PAXBP1: variants seen among roughly 807,000 people sequenced by gnomAD.
The protein encoded by PAXBP1 is PAX3 and PAX7 binding protein 1.
Under a neutral mutation model 119.9 loss-of-function variants are expected in PAXBP1, and 44 were observed. The ratio of observed to expected loss-of-function variants is 0.37; its 90% CI spans 0.29 to 0.47. The LOEUF (loss-of-function observed/expected upper bound fraction) is 0.47, where lower values mean the gene tolerates loss of function less well. PAXBP1 is among the 20% of genes least tolerant of loss of function. The pLI is 0.99. For synonymous variants in PAXBP1, 393 were observed against 406.6 expected (o/e 0.97, Z 0.40); for missense variants, 898 against 1,134.1 (o/e 0.79, Z 2.99).
intron 1 of PAXBP1, 39 bp downstream of exon 1, chr21:32,771,287 G>A: frequency 6.6e-7 from 1 of 1,525,174 alleles, no homozygotes; most frequent in Non-Finnish European, 8.8e-7. Flanking sequence ...CTGCGTCGGG[G>A]ATGCGGCCGT....
rs1403169541 is a variant in PAXBP1 at position 32,759,277 on chromosome 21, A to G, written c.1194-8T>C. On this transcript the variant is annotated splice_region_variant and splice_polypyrimidine_tract_variant and intron_variant, in intron 6 of 17. Coordinates refer to ENST00000331923, the MANE Select transcript of PAXBP1 (RefSeq NM_016631.4). The stretch of plus-strand genomic sequence containing the variant: ...TCTTTCATGGAGTCCAACCTTAGGA[A>G]CACAAAAGGATAAATATAACACATT... The G allele has an allele frequency of 6.2e-7, 1 of 1,612,344 alleles. No homozygotes were observed.
At chr21:32,754,461 G>A (rs187695719) in intron 8 of PAXBP1, among the ~76,000 whole-genome samples, 8 of 152,164 alleles carry the variant, frequency 5.3e-5, no homozygotes, top group Non-Finnish European at 1.0e-4. Context: ...TCCTATTAGC[G>A]CACTCAAGAA....
chr21:32,734,710 T>C lies in PAXBP1; in HGVS notation c.*240A>G. 1 of 513,568 alleles carries C rather than the reference T, an allele frequency of 1.9e-6. No homozygotes were observed. Among genetic ancestry groups the C allele is most frequent in the African/African-American group, 1.9e-5 (1 of 51,996 alleles). The allele number at this position is 513,568 out of a possible 1,614,324, so 31.8% of individuals were successfully genotyped here. On this transcript the variant is annotated 3_prime_UTR_variant, in exon 18 of 18. Transcript: ENST00000331923. ...CTGAGAGGGTTAATTTAAATGACCA[T>C]ACAAAATACTTCAGTAAACAAAGTA... is the stretch of plus-strand genomic sequence containing the variant.
Position 32,751,009 on chromosome 21 carries a change from T to A in PAXBP1, c.1631A>T (p.Glu544Val). The change falls in exon 10 of 18, where the codon GAA becomes GTA. Residue 544 changes from glutamate to valine, a missense_variant. By Grantham distance (121) the Glu-to-Val change is moderately radical. Around this residue, in one of 2 missense-constraint regions of PAXBP1, gnomAD observed 599 missense variants for 852.7 expected, o/e 0.70. Coordinates refer to ENST00000331923, the MANE Select transcript of PAXBP1 (RefSeq NM_016631.4). ...GTGATCTGCCATCTTACCGGTTTGT[T>A]CTCTGGCTTGTCTACGACGAGTCCT... Reference protein sequence around the residue: ...ARRTRRRQAREQTGKMADHLE... With the variant: ...ARRTRRRQARVQTGKMADHLE... 1 of 1,614,154 alleles carries A rather than the reference T, an allele frequency of 6.2e-7. No homozygotes were observed. The highest frequency in any genetic ancestry group is 8.5e-7 in the Non-Finnish European group (1 of 1,180,018).
intron 14 of PAXBP1, 43 bp from the exon 15 acceptor site, chr21:32,743,357 T>G (rs2043818609): frequency 7.7e-7 from 1 of 1,290,880 alleles, no homozygotes; most frequent in African/African-American, 1.5e-5. Context: ...AGATATTTTA[T>G]ATGTAGGTGC....
intron 17 of PAXBP1, among the ~76,000 whole-genome samples, chr21:32,736,040 T>A (rs1034747155): frequency 3.3e-5 from 5 of 152,222 alleles, no homozygotes; most frequent in Admixed American, 6.5e-5. Context: ...CTGTTAAATA[T>A]ATGTAAATCA....
rs1169931129 is a variant in PAXBP1 at position 32,744,843 on chromosome 21, T to C, written c.2139A>G (p.Lys713=). 1.9e-6 allele frequency: 3 copies of C among 1,607,314 alleles called. No individual in the cohort carries two copies. The highest frequency in any genetic ancestry group is 1.1e-5 in the South Asian group (1 of 89,806). Residue 713 remains lysine, a synonymous_variant, in exon 13 of 18, where the codon AAA becomes AAG. Transcript: ENST00000331923. The part of the protein sequence containing the change: ...QTSRMVGITL[K]LINGYPSVVN... ...CTACTGAAGGATATCCATTGATTAA[T>C]TTTAGTGTAATTCCCACCATTCTTG...
chr21:32,763,080 T>C (rs1032094573), intron 3 of PAXBP1, among the ~76,000 whole-genome samples: 1 of 152,132 alleles, frequency 6.6e-6, no homozygotes, highest in Non-Finnish European at 1.5e-5. Flanking sequence ...ATTTTGTACC[T>C]ATTTCTCATA....
At chr21:32,751,243 TA>T in intron 8 of PAXBP1, 25 bp from the exon 9 acceptor site, 4 of 1,605,216 alleles carry the variant, frequency 2.5e-6, no homozygotes, top group Non-Finnish European at 3.4e-6. Context: ...CAGTTAAAAT[TA>T]AAAGCCATCT....
rs2044205924 is a variant in PAXBP1 at position 32,764,463 on chromosome 21, G to A, written c.534C>T (p.Ile178=). 6.2e-7 allele frequency: 1 copy of A among 1,613,600 alleles called. No individual in the cohort carries two copies. Among genetic ancestry groups the A allele is most frequent in the Admixed American group, 1.7e-5 (1 of 59,992 alleles). The change falls in exon 3 of 18, where the codon ATC becomes ATT. Residue 178 remains isoleucine (I), a synonymous_variant. Coordinates refer to ENST00000331923, the MANE Select transcript of PAXBP1 (RefSeq NM_016631.4). ...VKDTNQEDGV[I]ISEHGEDEMD... ...TTTCATCTTCACCATGTTCACTGAT[G>A]ATAACTCCATCTTCTTGATTTGTAT... is the stretch of plus-strand genomic sequence containing the variant.
intron 7 of PAXBP1, chr21:32,756,154 G>T: frequency 2.8e-6 from 1 of 355,230 alleles, no homozygotes; most frequent in Non-Finnish European, 5.4e-6. Flanking sequence ...AAAAGAACAT[G>T]AGAGCTAACT....
intron 5 of PAXBP1, among the ~76,000 whole-genome samples, 165 bp downstream of exon 5, chr21:32,760,892 TGC>T (rs1446891916): frequency 2.2e-5 from 3 of 134,496 alleles, no homozygotes; most frequent in African/African-American, 9.2e-5. Flanking sequence ...TGTCTCTGTG[TGC>T]GTGCGTGCGT....
At position 32,747,790 on chromosome 21, in the gene PAXBP1, CT is replaced by C. The variant is rs907840713; in HGVS notation, c.1923+708del. Reference sequence around the variant, plus strand: ...GGTCCTCTTGATTCCACCTCCTTATCTTTTTTTTTTTTTCTTGTGGCAGGTC... The same window carrying C: ...GGTCCTCTTGATTCCACCTCCTTATCTTTTTTTTTTTTCTTGTGGCAGGTC... On this transcript the variant is annotated intron_variant, in intron 11 of 17. Transcript: ENST00000331923. Among the ~76,000 whole-genome samples the C allele has an allele frequency of 7.3e-3, 1,061 of 144,800 alleles. 11 individuals carry two copies. Among genetic ancestry groups the C allele is most frequent in the African/African-American group, 0.022 (888 of 39,820 alleles). The allele number at this position is 144,800 out of a possible 152,430, so 95.0% of individuals were successfully genotyped here.
chr21:32,767,274 G>C (rs1822274630), intron 2 of PAXBP1, among the ~76,000 whole-genome samples: 1 of 152,196 alleles, frequency 6.6e-6, no homozygotes, highest in Non-Finnish European at 1.5e-5. Context: ...GGTAGGAAGA[G>C]TTCTGGATTG....
Position 32,769,860 on chromosome 21 carries a change from A to G in PAXBP1, c.426T>C (p.Asp142=). 1 of 1,601,504 alleles carries G rather than the reference A, an allele frequency of 6.2e-7. No individual in the cohort carries two copies. Among genetic ancestry groups the G allele is most frequent in the Non-Finnish European group, 8.5e-7 (1 of 1,175,748 alleles). The part of the protein sequence containing the change: ...VKLLKKEYKE[D]LEKSKIKTEL... ...CTGTCTTAATCTTCGATTTTTCAAGATCTTCTTTATATTCCTTCTTGAGCA... is the reference window on the plus strand; with the variant it reads ...CTGTCTTAATCTTCGATTTTTCAAGGTCTTCTTTATATTCCTTCTTGAGCA... The change falls in exon 2 of 18, where the codon GAT becomes GAC. Residue 142 remains aspartate (D), a synonymous_variant. Coordinates refer to ENST00000331923, the MANE Select transcript of PAXBP1 (RefSeq NM_016631.4).
intron 13 of PAXBP1, among the ~76,000 whole-genome samples, 196 bp downstream of exon 13, chr21:32,744,596 G>A (rs1168731394): frequency 1.3e-5 from 2 of 151,480 alleles, no homozygotes; most frequent in African/African-American, 4.9e-5. Flanking sequence ...TCTCTCTGCG[G>A]GACTAGGTAT....
Position 32,771,630 on chromosome 21 carries a change from C to G in PAXBP1, c.39G>C (p.Arg13=), listed in dbSNP as rs376119425. The change falls in exon 1 of 18, where the codon CGG becomes CGC. Residue 13 remains arginine, a synonymous_variant. Coordinates refer to ENST00000331923, the MANE Select transcript of PAXBP1 (RefSeq NM_016631.4). Reference sequence around the variant, plus strand: ...CCCGCTCTTCCTCTTCGGAGTCGTTCCGCTTGCGCACGTTCACCCGCCGGG... The same window carrying G: ...CCCGCTCTTCCTCTTCGGAGTCGTTGCGCTTGCGCACGTTCACCCGCCGGG... ...RKARRVNVRK[R]NDSEEEERER... 3.4e-6 allele frequency: 5 copies of G among 1,454,304 alleles called. No individual in the cohort carries two copies. In the African/African-American group the frequency reaches 5.9e-5, roughly 17 times the overall value. 90.1% of individuals were successfully genotyped at this position (1,454,304 alleles called of 1,614,324 possible). A position where few individuals can be genotyped will look rare whatever the true frequency, so the allele number is the denominator to read the frequency against.
At chr21:32,756,971 T>C (rs1470877337) in intron 7 of PAXBP1, among the ~76,000 whole-genome samples, 1 of 152,166 alleles carries the variant, frequency 6.6e-6, no homozygotes, top group Non-Finnish European at 1.5e-5. Context: ...GTCTGCACCG[T>C]GACAATTTCT....
chr21:32,763,130 C>T (rs1569166726), intron 3 of PAXBP1, among the ~76,000 whole-genome samples: 1 of 151,996 alleles, frequency 6.6e-6, no homozygotes, highest in Non-Finnish European at 1.5e-5. Context: ...TCTCCATAAA[C>T]ATAATTTTTA....
Sources: allele counts gnomAD v4.1 joint callset (sites outside exome capture counted in the v4.1 genomes callset), GRCh38; gene constraint gnomAD v4.1.1; regional missense constraint gnomAD v4.1.1; transcripts MANE v1.5; gene names NCBI Gene and HGNC (gene_info 2026-07-23, HGNC 2026-07-21).